The following PCDH7 variants were observed in gnomAD, a reference collection of about 807,000 sequenced individuals.
PCDH7 encodes the protein protocadherin-7.
A neutral mutation model predicts 58.9 loss-of-function variants in PCDH7; 17 were observed. That is an observed-to-expected ratio of 0.29 (90% confidence interval 0.20 to 0.43). The LOEUF (loss-of-function observed/expected upper bound fraction) is 0.43, where lower values mean the gene tolerates loss of function less well. PCDH7 is among the 20% of genes least tolerant of loss of function. The pLI, the probability that PCDH7 is intolerant of heterozygous loss-of-function variation, is 1.00. For missense variants in PCDH7, 1,274 were observed against 1,441.0 expected, an observed-to-expected ratio of 0.88 and a Z score of 1.88; for synonymous variants, 664 against 616.4, an observed-to-expected ratio of 1.08 and a Z score of -1.14.
chr4:30,973,704 A>G (rs771171631), intron 3 of PCDH7, among the ~76,000 whole-genome samples: 1 of 149,510 alleles, frequency 6.7e-6, no homozygotes, highest in Non-Finnish European at 1.5e-5. Context: ...ACAGTCTCCA[A>G]TTTTTTTTTT....
intron 2 of PCDH7, among the ~76,000 whole-genome samples, chr4:30,949,224 T>C (rs142715278): frequency 1.1e-3 from 163 of 152,268 alleles, no homozygotes; most frequent in Non-Finnish European, 1.4e-3. Context: ...TCACTGTGTA[T>C]AAAAGCTTTT....
At chr4:30,774,704 T>G (rs1721841001) in intron 1 of PCDH7, among the ~76,000 whole-genome samples, 1 of 152,222 alleles carries the variant, frequency 6.6e-6, no homozygotes, top group Non-Finnish European at 1.5e-5. Flanking sequence ...CTACGTACAA[T>G]ATACAGTTTA....
intron 3 of PCDH7, among the ~76,000 whole-genome samples, chr4:30,970,589 G>A (rs568201629): frequency 4.2e-4 from 64 of 152,210 alleles, no homozygotes; most frequent in Non-Finnish European, 7.8e-4. Flanking sequence ...CACCGCTCCC[G>A]GCCAAATGAT....
At chr4:31,013,922 G>A (rs563751545) in intron 3 of PCDH7, among the ~76,000 whole-genome samples, 1 of 151,750 alleles carries the variant, frequency 6.6e-6, no homozygotes, top group Non-Finnish European at 1.5e-5. Flanking sequence ...TTTCTTCCTG[G>A]GGATTTCCAG....
intron 2 of PCDH7, among the ~76,000 whole-genome samples, chr4:30,936,322 A>G (rs943565528): frequency 6.6e-6 from 1 of 152,010 alleles, no homozygotes; most frequent in South Asian, 2.1e-4. Flanking sequence ...CTTAGTGTTT[A>G]ATACATGGTA....
downstream of PCDH7, among the ~76,000 whole-genome samples, chr4:30,736,332 T>C (rs1716251980): frequency 6.6e-6 from 1 of 152,126 alleles, no homozygotes; most frequent in South Asian, 2.1e-4. Context: ...TGAGAGATAA[T>C]ATATTTCATT....
At chr4:31,081,649 A>T (rs889456182) in intron 3 of PCDH7, among the ~76,000 whole-genome samples, 7 of 152,196 alleles carry the variant, frequency 4.6e-5, no homozygotes, top group African/African-American at 1.7e-4. Context: ...TGATCTCAAG[A>T]AAGTTACCAA....
chr4:31,131,996 A>G (rs1298433601), intron 3 of PCDH7, among the ~76,000 whole-genome samples: 3 of 152,186 alleles, frequency 2.0e-5, no homozygotes, highest in African/African-American at 7.2e-5. Context: ...TTGAACTTCA[A>G]TGTGATTCAT....
chr4:31,049,595 G>A (rs1277586675), intron 3 of PCDH7, among the ~76,000 whole-genome samples: 1 of 152,076 alleles, frequency 6.6e-6, no homozygotes, highest in Non-Finnish European at 1.5e-5. Flanking sequence ...ATTAGGTTTA[G>A]GTAAAGAGAA....
At chr4:30,866,100 A>T (rs1734849259) in intron 1 of PCDH7, among the ~76,000 whole-genome samples, 1 of 152,140 alleles carries the variant, frequency 6.6e-6, no homozygotes, top group East Asian at 1.9e-4. Context: ...ATTACCTGAT[A>T]GTCTTGAGTT....
At chr4:30,764,894 T>C (rs1260496764) in intron 1 of PCDH7, among the ~76,000 whole-genome samples, 1 of 151,938 alleles carries the variant, frequency 6.6e-6, no homozygotes, top group African/African-American at 2.4e-5. Context: ...CTAATTTTTG[T>C]GTTTTTACTA....
chr4:30,858,263 A>G (rs1375499297), intron 1 of PCDH7, among the ~76,000 whole-genome samples: 1 of 152,152 alleles, frequency 6.6e-6, no homozygotes, highest in Admixed American at 6.5e-5. Context: ...CTAATTCAGC[A>G]GAAGCCTTTA....
At chr4:31,083,129 A>AACAAAT (rs1159651888) in intron 3 of PCDH7, among the ~76,000 whole-genome samples, 1 of 151,968 alleles carries the variant, frequency 6.6e-6, no homozygotes, top group African/African-American at 2.4e-5. Flanking sequence ...CAAAAACAAA[A>AACAAAT]ACAAAAAAAC....
Position 30,721,365 on chromosome 4 carries a change from A to G in PCDH7, c.-58A>G. 1 of 1,406,484 alleles carries G rather than the reference A, an allele frequency of 7.1e-7. No homozygotes were observed. Among genetic ancestry groups the G allele is most frequent in the Non-Finnish European group, 9.3e-7 (1 of 1,075,772 alleles). 87.1% of individuals were successfully genotyped at this position (1,406,484 alleles called of 1,614,324 possible). ...GAGGGCAGGCGGCCGGCCCCGGAGG[A>G]GGGGGGCGCCGAGGGGGCTGTGGTT... On this transcript the variant is annotated 5_prime_UTR_variant, in exon 1 of 2. Transcript: ENST00000361762. The surrounding 1 kb of genome is among the most constrained non-coding windows in gnomAD (Gnocchi z 6.7).
intron 1 of PCDH7, among the ~76,000 whole-genome samples, chr4:30,840,833 A>G (rs889703664): frequency 6.6e-6 from 1 of 152,068 alleles, no homozygotes; most frequent in Non-Finnish European, 1.5e-5. Flanking sequence ...TGGAATGTGT[A>G]AAGCCAACTT....
intron 1 of PCDH7, among the ~76,000 whole-genome samples, chr4:30,826,030 TC>T (rs1453264799): frequency 4.6e-5 from 7 of 152,136 alleles, no homozygotes; most frequent in Admixed American, 4.6e-4. Flanking sequence ...CATTTCTTCT[TC>T]CTTTCTTTCA....
chr4:30,874,391 T>C (rs111330900), intron 1 of PCDH7, among the ~76,000 whole-genome samples: 7,304 of 151,560 alleles, frequency 0.048, 380 homozygotes, highest in East Asian at 0.26. Flanking sequence ...TCATGTCCAA[T>C]TTCATGGATG....
intron 1 of PCDH7, among the ~76,000 whole-genome samples, chr4:30,750,967 T>C (rs1029130227): frequency 1.6e-5 from 2 of 121,748 alleles, no homozygotes; most frequent in African/African-American, 5.4e-5. Context: ...TACTTTTTGG[T>C]GCAGGGAAGG....
At chr4:30,979,747 A>G (rs1199651368) in intron 3 of PCDH7, among the ~76,000 whole-genome samples, 3 of 152,068 alleles carry the variant, frequency 2.0e-5, no homozygotes, top group Non-Finnish European at 4.4e-5. Context: ...GTCAGGGACT[A>G]CATCATTACT....
Sources: gnomAD v4.1 joint callset for allele counts (sites outside exome capture counted in the v4.1 genomes callset) on GRCh38, gnomAD v4.1.1 for gene constraint, Gnocchi (gnomAD v3.1) non-coding constraint, MANE v1.5 for transcripts, NCBI Gene and HGNC (gene_info 2026-07-23, HGNC 2026-07-21) for gene names.